Variants in AQP7 observed in about 807,000 individuals in gnomAD.
The protein encoded by AQP7 is aquaporin-7.
In AQP7, 22 loss-of-function variants were observed where a neutral mutation model predicts 26.1. That is an observed-to-expected ratio of 0.84 (90% CI 0.60 to 1.20). The LOEUF is 1.20. Among genes scored for constraint, AQP7 ranks in the 50% most tolerant of loss-of-function variants. The pLI is 0.00. For missense variants in AQP7, 412 were observed against 457.5 expected (o/e 0.90, Z 0.91); for synonymous variants, 167 against 181.7 (o/e 0.92, Z 0.65).
In AQP7 at chr9:33,386,154, C is replaced by G. The variant is rs144445015; in HGVS notation, c.448G>C (p.Gly150Arg). 1 of 1,613,990 alleles carries G rather than the reference C, an allele frequency of 6.2e-7. No individual in the cohort carries two copies. Among genetic ancestry groups the G allele is most frequent in the Non-Finnish European group, 8.5e-7 (1 of 1,179,868 alleles). Reference sequence around the variant, plus strand: ...AAAATGCCAGCTGTAGCGACGGGACCGGTCACCATCAGCTGTCCACCCGAA... The same window carrying G: ...AAAATGCCAGCTGTAGCGACGGGACGGGTCACCATCAGCTGTCCACCCGAA... The part of the protein sequence containing the change: ...HFSGGQLMVT[G>R]PVATAGIFAT... Residue 150 changes from glycine to arginine, a missense_variant, in exon 6 of 8, where the codon GGT (glycine) becomes CGT (arginine). By Grantham distance (125) the Gly-to-Arg change is moderately radical. Coordinates refer to ENST00000297988, the MANE Select transcript of AQP7 (RefSeq NM_001170.3).
At chr9:33,385,400 AG>A (rs760593923) in intron 7 of AQP7, 110 bp from the exon 8 acceptor site, 20 of 1,312,280 alleles carry the variant, frequency 1.5e-5, no homozygotes, top group Non-Finnish European at 1.9e-5. Flanking sequence ...AGGCTACCCC[AG>A]GAAACACCCC....
intron 2 of AQP7, among the ~76,000 whole-genome samples, chr9:33,397,809 C>G (rs1423637918): frequency 6.6e-6 from 1 of 152,142 alleles, no homozygotes; most frequent in East Asian, 1.9e-4. Flanking sequence ...GAGCAGAAAG[C>G]CAAGAACACC....
chr9:33,397,675 A>G (rs1825952519), intron 2 of AQP7, among the ~76,000 whole-genome samples: 1 of 151,490 alleles, frequency 6.6e-6, no homozygotes, highest in South Asian at 2.1e-4. Flanking sequence ...AGGTCAGGGG[A>G]ATTTAGGAGC....
chr9:33,393,151 A>G (rs1198680381), intron 3 of AQP7, among the ~76,000 whole-genome samples: 1 of 152,156 alleles, frequency 6.6e-6, no homozygotes, highest in Non-Finnish European at 1.5e-5. Flanking sequence ...TCACTTGAGT[A>G]TGGGAGGTGG....
chr9:33,387,830 C>T (rs373104339), intron 3 of AQP7, among the ~76,000 whole-genome samples: 1,716 of 152,156 alleles, frequency 0.011, 35 homozygotes, highest in East Asian at 0.089. Flanking sequence ...CACTGATCGG[C>T]TCCCACACAC....
chr9:33,395,568 A>G, intron 2 of AQP7: 1 of 252,330 alleles, frequency 4.0e-6, no homozygotes, highest in South Asian at 5.5e-5. Context: ...TCAGTTGTCT[A>G]TGTCTGTCCG....
At chr9:33,394,491 T>C (rs1825684744) in intron 3 of AQP7, among the ~76,000 whole-genome samples, 1 of 151,482 alleles carries the variant, frequency 6.6e-6, no homozygotes, top group Admixed American at 6.6e-5. Flanking sequence ...TCTCTCTTTT[T>C]TTTTTTTTTT....
chr9:33,401,098 G>T (rs1163123438), intron 2 of AQP7, 139 bp downstream of exon 2: 2 of 923,882 alleles, frequency 2.2e-6, no homozygotes, highest in African/African-American at 1.6e-5. Flanking sequence ...CCTCAGAGGC[G>T]AGTGGGTGGG....
At chr9:33,399,079 A>G (rs1826059286) in intron 2 of AQP7, among the ~76,000 whole-genome samples, 1 of 145,250 alleles carries the variant, frequency 6.9e-6, no homozygotes, top group Admixed American at 7.0e-5. Flanking sequence ...GGTTCAAGCA[A>G]TCCTCCCGCC....
At chr9:33,391,179 A>G (rs1383618121) in intron 3 of AQP7, among the ~76,000 whole-genome samples, 4 of 152,248 alleles carry the variant, frequency 2.6e-5, no homozygotes, top group African/African-American at 7.2e-5. Flanking sequence ...AGGGTTGCCA[A>G]CTGGCAACTC....
rs1697416716 is a variant in AQP7, at chr9:33,389,019, G to A, written c.145-1927C>T. Reference sequence around the variant, plus strand: ...CTATGGGCATGTGCCTCGGCACCCAGCCAATTTTTTTTTTTTTTTTTTTTT... The same window carrying A: ...CTATGGGCATGTGCCTCGGCACCCAACCAATTTTTTTTTTTTTTTTTTTTT... On this transcript the variant is annotated intron_variant, in intron 3 of 7. Coordinates refer to ENST00000297988, the MANE Select transcript of AQP7 (RefSeq NM_001170.3). Among the ~76,000 whole-genome samples the A allele has an allele frequency of 2.3e-5, 3 of 128,024 alleles. No homozygotes were observed. The South Asian group carries it at 7.5e-4, about 32-fold the overall frequency. The allele number at this position is 128,024 out of a possible 152,430, so 84.0% of individuals were successfully genotyped here.
At chr9:33,391,250 A>T (rs552610703) in intron 3 of AQP7, among the ~76,000 whole-genome samples, 1 of 152,344 alleles carries the variant, frequency 6.6e-6, no homozygotes, top group Non-Finnish European at 1.5e-5. Flanking sequence ...GAAGAACAGA[A>T]GTTTCCTTCT....
intron 2 of AQP7, among the ~76,000 whole-genome samples, chr9:33,398,991 G>T (rs796133632): frequency 6.7e-4 from 86 of 129,232 alleles, no homozygotes; most frequent in African/African-American, 2.3e-3. Flanking sequence ...TTTTTTTTGA[G>T]ACAGGGTCTC....
Position 33,386,532 on chromosome 9 carries a change from A to G in AQP7, c.278T>C (p.Met93Thr), listed in dbSNP as rs1243127641. The G allele has an allele frequency of 2.5e-6, 4 of 1,611,994 alleles. No homozygotes were observed. The African/African-American group carries it at 4.0e-5, about 16-fold the overall frequency. ...HVAGRISGAH[M>T]NAAVTFANCA... ...GTTAGCAAAGGTCACAGCTGCGTTC[A>G]TGTGGGCTCCTGCGGGCAGCAGGCA... The change falls in exon 5 of 8, where the codon ATG (methionine) becomes ACG (threonine). Residue 93 changes from methionine to threonine, a missense_variant. By Grantham distance (81) the Met-to-Thr change is moderately conservative. Transcript: ENST00000297988.
chr9:33,398,353 G>A (rs1826000421), intron 2 of AQP7, among the ~76,000 whole-genome samples: 1 of 151,796 alleles, frequency 6.6e-6, no homozygotes, highest in African/African-American at 2.4e-5. Context: ...CTCTACCAGA[G>A]GGCCATGGGC....
Position 33,401,221 on chromosome 9 carries a change from A to C in AQP7, c.26+16T>G. 6.5e-7 allele frequency: 1 copy of C among 1,549,040 alleles called. No homozygotes were observed. The highest frequency in any genetic ancestry group is 8.7e-7 in the Non-Finnish European group (1 of 1,146,614). On this transcript the variant is annotated intron_variant, in intron 2 of 7. Coordinates refer to ENST00000297988, the MANE Select transcript of AQP7 (RefSeq NM_001170.3). ...GGACAGGGGGCTGGAGGGTGAGAAG[A>C]GGGTGGGGTACTTACCGCCTGTGCC...
At chr9:33,391,418 C>T (rs572776445) in intron 3 of AQP7, 39 of 251,944 alleles carry the variant, frequency 1.5e-4, no homozygotes, top group African/African-American at 6.1e-4. Context: ...TCTTGGCCCC[C>T]GTAGCATGTG....
chr9:33,392,801 A>G (rs1220006321), intron 3 of AQP7, among the ~76,000 whole-genome samples: 3 of 152,204 alleles, frequency 2.0e-5, no homozygotes, highest in South Asian at 2.1e-4. Flanking sequence ...GAGAGGAGAG[A>G]GCAGCTAGAG....
intron 3 of AQP7, among the ~76,000 whole-genome samples, chr9:33,387,631 G>A (rs531618394): frequency 3.9e-5 from 6 of 152,124 alleles, no homozygotes; most frequent in Admixed American, 6.5e-5. Flanking sequence ...GACCTCAGGC[G>A]GCATTCCCAA....
Sources: gnomAD v4.1 joint callset for allele counts (sites outside exome capture counted in the v4.1 genomes callset) on GRCh38, gnomAD v4.1.1 for gene constraint, MANE v1.5 for transcripts, NCBI Gene and HGNC (gene_info 2026-07-23, HGNC 2026-07-21) for gene names.